The following DIAPH2 variants were observed in gnomAD, a reference collection of about 807,000 sequenced individuals.
DIAPH2 encodes protein diaphanous homolog 2.
In DIAPH2, 35 loss-of-function variants were observed where a neutral mutation model predicts 92.7. The ratio of observed to expected loss-of-function variants is 0.38; its 90% CI spans 0.29 to 0.50. The LOEUF (loss-of-function observed/expected upper bound fraction) is 0.50. DIAPH2 is among the 20% of genes least tolerant of loss of function. The pLI, the probability that DIAPH2 is intolerant of heterozygous loss-of-function variation, is 0.94. For synonymous variants in DIAPH2, 301 were observed against 280.4 expected (o/e 1.07, Z -0.73); for missense variants, 701 against 819.5 (o/e 0.86, Z 1.77).
intron 26 of DIAPH2, among the ~76,000 whole-genome samples, chrX:97,508,484 G>C (rs1048079154): frequency 2.7e-5 from 3 of 112,366 alleles, no homozygotes; most frequent in African/African-American, 9.7e-5. Flanking sequence ...ATCTAGTATA[G>C]AGAATGGATA....
At chrX:96,707,635 G>A (rs926149545) in intron 1 of DIAPH2, among the ~76,000 whole-genome samples, 22 of 108,612 alleles carry the variant, frequency 2.0e-4, no homozygotes, top group African/African-American at 7.4e-4. Context: ...GAGACAGAGT[G>A]AGACTCTGTC....
intron 25 of DIAPH2, among the ~76,000 whole-genome samples, chrX:97,388,949 C>T (rs2069627272): frequency 8.9e-6 from 1 of 111,808 alleles, no homozygotes; most frequent in African/African-American, 3.3e-5. Context: ...CTCATACCTA[C>T]TTTTCTATTC....
chrX:97,551,999 A>G (rs1886131524), intron 26 of DIAPH2, among the ~76,000 whole-genome samples: 1 of 111,760 alleles, frequency 8.9e-6, no homozygotes, highest in African/African-American at 3.3e-5. Context: ...TGGAAAGAGC[A>G]TAGACTTAGA....
At chrX:96,816,337 C>A (rs1329916642) in intron 4 of DIAPH2, among the ~76,000 whole-genome samples, 1 of 112,012 alleles carries the variant, frequency 8.9e-6, no homozygotes, top group Non-Finnish European at 1.9e-5. Flanking sequence ...TCTTTTGGAT[C>A]AATACCTAGA....
intron 22 of DIAPH2, among the ~76,000 whole-genome samples, chrX:97,199,090 A>G (rs1177366591): frequency 9.1e-6 from 1 of 110,176 alleles, no homozygotes; most frequent in Non-Finnish European, 1.9e-5. Context: ...AAGCTAAGGC[A>G]TGTTTCAGAG....
chrX:97,567,823 T>TA (rs955727535), intron 26 of DIAPH2, among the ~76,000 whole-genome samples: 8 of 111,270 alleles, frequency 7.2e-5, no homozygotes, highest in Non-Finnish European at 1.3e-4. Context: ...TTTCCTCATT[T>TA]AAAAAACTGT....
At chrX:96,957,214 T>G (rs1235838722) in intron 15 of DIAPH2, among the ~76,000 whole-genome samples, 1 of 111,837 alleles carries the variant, frequency 8.9e-6, no homozygotes, top group Non-Finnish European at 1.9e-5. Context: ...AGAGACAGGG[T>G]TTCGCCATGT....
In DIAPH2 at chrX:97,004,320, G is replaced by A. The variant is rs945231591; in HGVS notation, c.2050+39113G>A. Reference sequence around the variant, plus strand: ...TGTAGGATTTTTTTCTTGGTAGGTTGTATGTGTCTATATTTGTGAAGAATG... The same window carrying A: ...TGTAGGATTTTTTTCTTGGTAGGTTATATGTGTCTATATTTGTGAAGAATG... On this transcript the variant is annotated intron_variant, in intron 17 of 26. Transcript: ENST00000324765. Among the ~76,000 whole-genome samples, 4 of 111,610 alleles carry A rather than the reference G, an allele frequency of 3.6e-5. No individual in the cohort carries two copies. In the East Asian group the frequency reaches 1.1e-3, roughly 31 times the overall value.
At chrX:96,714,956 A>G (rs1176551878) in intron 1 of DIAPH2, among the ~76,000 whole-genome samples, 1 of 111,860 alleles carries the variant, frequency 8.9e-6, no homozygotes, top group East Asian at 2.8e-4. Flanking sequence ...ATGATTGTGT[A>G]TGTTTAAGTA....
At chrX:97,292,633 G>A (rs1047605448) in intron 23 of DIAPH2, among the ~76,000 whole-genome samples, 39 of 104,858 alleles carry the variant, frequency 3.7e-4, no homozygotes, top group African/African-American at 1.4e-3. Flanking sequence ...TGCAACCTCC[G>A]CCTCCTGGGT....
intron 23 of DIAPH2, among the ~76,000 whole-genome samples, chrX:97,275,380 C>G (rs1337843405): frequency 1.9e-5 from 2 of 103,766 alleles, no homozygotes; most frequent in African/African-American, 7.1e-5. Flanking sequence ...CTGCCCCCCC[C>G]ACCTCCCTCC....
At chrX:97,314,613 G>T (rs1011847589) in intron 23 of DIAPH2, among the ~76,000 whole-genome samples, 1 of 111,779 alleles carries the variant, frequency 8.9e-6, no homozygotes, top group Non-Finnish European at 1.9e-5. Flanking sequence ...CTATACCTTT[G>T]CTGTGACTTT....
intron 24 of DIAPH2, among the ~76,000 whole-genome samples, chrX:97,363,035 T>C (rs767499250): frequency 8.9e-6 from 1 of 112,704 alleles, no homozygotes; most frequent in East Asian, 2.8e-4. Flanking sequence ...TGTATCCTTA[T>C]GTGATGTAGA....
chrX:96,709,412 A>G (rs1482803695), intron 1 of DIAPH2, among the ~76,000 whole-genome samples: 1 of 112,222 alleles, frequency 8.9e-6, no homozygotes, highest in African/African-American at 3.2e-5. Context: ...TGAATTAAGC[A>G]TAGGTGAGGT....
rs748815105 is a variant in DIAPH2 at position 96,881,531 on chromosome X, AT to A, written c.448-40del. ...ATATTCTATGCATTATTTTACTTAA[AT>A]TTTTTTTGAAACATTGTCTAAAATG... On this transcript the variant is annotated intron_variant, in intron 4 of 26. Transcript: ENST00000324765. The A allele has an allele frequency of 6.8e-5, 76 of 1,114,087 alleles. No individual in the cohort carries two copies. In the East Asian group the frequency reaches 1.0e-3, roughly 15 times the overall value. 91.8% of individuals were successfully genotyped at this position (1,114,087 alleles called of 1,213,427 possible). A position where few individuals can be genotyped will look rare whatever the true frequency, so the allele number is the denominator to read the frequency against.
chrX:96,729,209 A>T (rs1369446459), intron 1 of DIAPH2, among the ~76,000 whole-genome samples: 1 of 112,112 alleles, frequency 8.9e-6, no homozygotes, highest in Admixed American at 9.5e-5. Context: ...CTCTGTGAGC[A>T]GAGGGATGAC....
rs757184360 is a variant in DIAPH2, at chrX:97,450,496, G to T, written c.3241+20751G>T. Reference sequence around the variant, plus strand: ...CATGGTAAAAGGAGCTATATTATGTGTACACGTATGTAGCTCCTTTGGTGT... The same window carrying T: ...CATGGTAAAAGGAGCTATATTATGTTTACACGTATGTAGCTCCTTTGGTGT... On this transcript the variant is annotated intron_variant, in intron 26 of 26. Coordinates refer to ENST00000324765, the MANE Select transcript of DIAPH2 (RefSeq NM_006729.5). Among the ~76,000 whole-genome samples, 17 of 111,446 alleles carry T rather than the reference G, an allele frequency of 1.5e-4. No individual in the cohort carries two copies. The East Asian group carries it at 4.0e-3, about 26-fold the overall frequency.
rs574097560 is a variant in DIAPH2, at chrX:97,167,107, A to G, written c.2719+25313A>G. Among the ~76,000 whole-genome samples the G allele has an allele frequency of 1.3e-4, 14 of 111,983 alleles. No homozygotes were observed. The South Asian group carries it at 4.8e-3, about 39-fold the overall frequency. Reference sequence around the variant, plus strand: ...AATTTACTTAGCCATTCTCCTGTCAATGTACTTGTGGTCGCCCCCTCCACC... The same window carrying G: ...AATTTACTTAGCCATTCTCCTGTCAGTGTACTTGTGGTCGCCCCCTCCACC... On this transcript the variant is annotated intron_variant, in intron 22 of 26. Coordinates refer to ENST00000324765, the MANE Select transcript of DIAPH2 (RefSeq NM_006729.5).
intron 4 of DIAPH2, among the ~76,000 whole-genome samples, chrX:96,832,912 A>G (rs898176295): frequency 1.8e-5 from 2 of 111,642 alleles, no homozygotes; most frequent in Admixed American, 9.6e-5. Context: ...TTATTTTTAG[A>G]TATATATGAA....
Sources: gnomAD v4.1 joint callset for allele counts (sites outside exome capture counted in the v4.1 genomes callset) on GRCh38, gnomAD v4.1.1 for gene constraint, MANE v1.5 for transcripts, NCBI Gene and HGNC (gene_info 2026-07-23, HGNC 2026-07-21) for gene names.